FAM120A: variants seen among roughly 807,000 people sequenced by gnomAD.
FAM120A encodes the protein family with sequence similarity 120 member A, also known as constitutive coactivator of PPAR-gamma-like protein 1.
A neutral mutation model predicts 109.7 loss-of-function variants in FAM120A; 15 were observed. That is an observed-to-expected ratio of 0.14 (90% confidence interval 0.09 to 0.21). The LOEUF (loss-of-function observed/expected upper bound fraction) is 0.21, where lower values mean the gene tolerates loss of function less well. Among genes scored for constraint, FAM120A ranks in the 10% least tolerant of loss-of-function variants. The probability of loss-of-function intolerance (pLI) is 1.00; values close to 1 mark genes in which losing one functional copy is unlikely to be tolerated. For missense variants in FAM120A, 899 were observed against 1,439.3 expected (o/e 0.62, Z 6.07); for synonymous variants, 493 against 572.8 (o/e 0.86, Z 1.99).
Position 93,564,307 on chromosome 9 carries a change from G to C in FAM120A, c.3124G>C (p.Ala1042Pro), listed in dbSNP as rs762477782. 2 of 1,614,238 alleles carry C rather than the reference G, an allele frequency of 1.2e-6. No homozygotes were observed. The highest frequency in any genetic ancestry group is 1.7e-5 in the Admixed American group (1 of 60,034). Reference sequence around the variant, plus strand: ...AAAATCTGGGGAATCGAAGTCCTCTGCTATGTCTTCAGACGGGTCCCTGGC... The same window carrying C: ...AAAATCTGGGGAATCGAAGTCCTCTCCTATGTCTTCAGACGGGTCCCTGGC... ...KSKSGESKSSAMSSDGSLAEN... is the reference protein window; with the variant it reads ...KSKSGESKSSPMSSDGSLAEN... The change falls in exon 18 of 18, where the codon GCT becomes CCT. Residue 1042 changes from alanine (A) to proline (P), a missense_variant. Ala to Pro is a conservative substitution (Grantham distance 27). This residue lies in a region of FAM120A where 170 missense variants were observed against 205.0 expected (regional missense o/e 0.83). Transcript: ENST00000277165.
intron 5 of FAM120A, among the ~76,000 whole-genome samples, chr9:93,503,314 C>A (rs1859885307): frequency 6.6e-6 from 1 of 152,132 alleles, no homozygotes; most frequent in Non-Finnish European, 1.5e-5. Context: ...TTCATAATAG[C>A]CAACGCTTGG....
chr9:93,554,724 A>G (rs976544889), intron 12 of FAM120A, among the ~76,000 whole-genome samples: 1 of 152,198 alleles, frequency 6.6e-6, no homozygotes, highest in East Asian at 1.9e-4. Context: ...TGCTTACACA[A>G]AGGGTGTTGG....
intron 5 of FAM120A, among the ~76,000 whole-genome samples, chr9:93,503,622 C>A (rs1859899498): frequency 6.6e-6 from 1 of 152,034 alleles, no homozygotes. Context: ...TGAAACTATT[C>A]TGTATGATAC....
rs552360787 is a variant in FAM120A, at chr9:93,486,005, G to C, written c.804+9667G>C. 2.6e-5 allele frequency among the ~76,000 whole-genome samples: 4 copies of C among 152,232 alleles called. No individual in the cohort carries two copies. The East Asian group carries it at 5.8e-4, about 22-fold the overall frequency. On this transcript the variant is annotated intron_variant, in intron 3 of 17. Coordinates refer to ENST00000277165, the MANE Select transcript of FAM120A (RefSeq NM_014612.5). ...TAAAAAAAAGAAAAGAAAAGAAACTGTGTCCTACTCTGGAGTGCAGTCAGT... is the reference window on the plus strand; with the variant it reads ...TAAAAAAAAGAAAAGAAAAGAAACTCTGTCCTACTCTGGAGTGCAGTCAGT...
rs143077914 is a variant in FAM120A, at chr9:93,535,449, G to T, written c.1909+3120G>T. On this transcript the variant is annotated intron_variant, in intron 10 of 17. Coordinates refer to ENST00000277165, the MANE Select transcript of FAM120A (RefSeq NM_014612.5). Reference sequence around the variant, plus strand: ...GGTGCAGATGACCTTTGCCTAGACAGTTAAGACCCTAGAATTTAAGTGTTT... The same window carrying T: ...GGTGCAGATGACCTTTGCCTAGACATTTAAGACCCTAGAATTTAAGTGTTT... 3.9e-3 allele frequency among the ~76,000 whole-genome samples: 600 copies of T among 152,320 alleles called. 4 individuals carry two copies. Among genetic ancestry groups the T allele is most frequent in the Non-Finnish European group, 6.8e-3 (461 of 68,014 alleles).
intron 11 of FAM120A, among the ~76,000 whole-genome samples, chr9:93,545,672 A>G (rs1450170366): frequency 1.3e-5 from 2 of 152,112 alleles, no homozygotes; most frequent in African/African-American, 4.8e-5. Flanking sequence ...AACAAATGTT[A>G]AGGCCAATAA....
At chr9:93,460,040 A>G (rs938858380) in intron 1 of FAM120A, among the ~76,000 whole-genome samples, 1 of 152,224 alleles carries the variant, frequency 6.6e-6, no homozygotes, top group Non-Finnish European at 1.5e-5. Flanking sequence ...ACTTCCTCCT[A>G]TGTCTAACAT....
In FAM120A at chr9:93,453,019, T is replaced by C. The variant is rs372296388; in HGVS notation, c.474+630T>C. On this transcript the variant is annotated intron_variant, in intron 1 of 17. Transcript: ENST00000277165. ...GGTGTTTAGAGAATCTTTCTATGGC[T>C]TTTTGTGTTAGATTTCAAAGACCCG... is the stretch of plus-strand genomic sequence containing the variant. The C allele has an allele frequency of 2.7e-5, 32 of 1,183,388 alleles. No homozygotes were observed. The East Asian group carries it at 3.4e-4, about 12-fold the overall frequency. The allele number at this position is 1,183,388 out of a possible 1,614,324, so 73.3% of individuals were successfully genotyped here.
intron 10 of FAM120A, among the ~76,000 whole-genome samples, chr9:93,537,170 A>G (rs904616061): frequency 1.3e-5 from 2 of 152,128 alleles, no homozygotes; most frequent in Non-Finnish European, 2.9e-5. Context: ...AGTTTCTTCT[A>G]CTCGTTCCTG....
At position 93,527,137 on chromosome 9, in the gene FAM120A, T is replaced by G. The variant is rs761206974; in HGVS notation, c.1419-18T>G. The G allele has an allele frequency of 3.7e-6, 6 of 1,610,106 alleles. No individual in the cohort carries two copies. Among genetic ancestry groups the G allele is most frequent in the Non-Finnish European group, 5.1e-6 (6 of 1,176,436 alleles). ...TGTGAAAGTGATTGGACAGTAATCATGTTCATTTTATGTTTAGCCATATCA... is the reference window on the plus strand; with the variant it reads ...TGTGAAAGTGATTGGACAGTAATCAGGTTCATTTTATGTTTAGCCATATCA... On this transcript the variant is annotated intron_variant, in intron 7 of 17. Coordinates refer to ENST00000277165, the MANE Select transcript of FAM120A (RefSeq NM_014612.5).
chr9:93,459,236 C>G (rs918651203), intron 1 of FAM120A, among the ~76,000 whole-genome samples: 1 of 152,194 alleles, frequency 6.6e-6, no homozygotes, highest in Non-Finnish European at 1.5e-5. Context: ...GCATATTTAC[C>G]TCCCCCAGCC....
chr9:93,502,565 T>TACACACAC (rs6151079), intron 5 of FAM120A, among the ~76,000 whole-genome samples: 28,658 of 146,620 alleles, frequency 0.2, 3,263 homozygotes, highest in South Asian at 0.49. Context: ...GGAGGACACA[T>TACACACAC]ACACACACAC....
chr9:93,509,022 A>T (rs1166193099), intron 5 of FAM120A, among the ~76,000 whole-genome samples: 1 of 152,242 alleles, frequency 6.6e-6, no homozygotes, highest in Non-Finnish European at 1.5e-5. Flanking sequence ...ACTCAATGGC[A>T]TGCCACTCAG....
intron 1 of FAM120A, among the ~76,000 whole-genome samples, chr9:93,457,785 G>T (rs1430312620): frequency 6.6e-6 from 1 of 151,118 alleles, no homozygotes; most frequent in Non-Finnish European, 1.5e-5. Context: ...AATTATCATG[G>T]TCATCTAAAT....
intron 5 of FAM120A, among the ~76,000 whole-genome samples, chr9:93,510,144 G>A (rs1197299731): frequency 2.0e-5 from 3 of 152,194 alleles, no homozygotes; most frequent in Non-Finnish European, 4.4e-5. Context: ...GAATTCCCAA[G>A]TAGAAAATTG....
chr9:93,556,230 G>A, intron 12 of FAM120A, 152 bp from the exon 13 acceptor site: 3 of 618,566 alleles, frequency 4.8e-6, no homozygotes, highest in Middle Eastern at 4.4e-4. Context: ...TGAGGCCAGT[G>A]TTAGGTCAAT....
intron 5 of FAM120A, among the ~76,000 whole-genome samples, chr9:93,508,961 G>A (rs1193520808): frequency 6.6e-6 from 1 of 152,200 alleles, no homozygotes; most frequent in Non-Finnish European, 1.5e-5. Context: ...GATTTTAAAT[G>A]CCAGATGACT....
chr9:93,513,760 G>A (rs1287011522), intron 5 of FAM120A, among the ~76,000 whole-genome samples: 1 of 152,214 alleles, frequency 6.6e-6, no homozygotes, highest in Admixed American at 6.5e-5. Flanking sequence ...CCCAGCGTCT[G>A]TTGACCATGC....
At chr9:93,475,865 G>A (rs547505721) in intron 2 of FAM120A, among the ~76,000 whole-genome samples, 5 of 152,298 alleles carry the variant, frequency 3.3e-5, no homozygotes, top group Non-Finnish European at 5.9e-5. Flanking sequence ...ATTTTGAACC[G>A]TAGCTATTTC....
Sources: allele counts gnomAD v4.1 joint callset (sites outside exome capture counted in the v4.1 genomes callset), GRCh38; gene constraint gnomAD v4.1.1; regional missense constraint gnomAD v4.1.1; transcripts MANE v1.5; gene names NCBI Gene and HGNC (gene_info 2026-07-23, HGNC 2026-07-21).